The following FHOD3 variants were observed in gnomAD, a reference collection of about 807,000 sequenced individuals.
FHOD3 encodes FH1/FH2 domain-containing protein 3.
In FHOD3, 90 loss-of-function variants were observed where a neutral mutation model predicts 173.0. The ratio of observed to expected loss-of-function variants is 0.52; its 90% CI spans 0.44 to 0.62. The LOEUF (loss-of-function observed/expected upper bound fraction) is 0.62, where lower values mean the gene tolerates loss of function less well. Ranked by LOEUF, FHOD3 falls within the 20% of genes least tolerant of loss-of-function variation. The pLI is 0.00. For missense variants in FHOD3, 1,945 were observed against 2,034.7 expected, an observed-to-expected ratio of 0.96 and a Z score of 0.85; for synonymous variants, 828 against 823.0, an observed-to-expected ratio of 1.01 and a Z score of -0.10.
intron 18 of FHOD3, among the ~76,000 whole-genome samples, chr18:36,716,258 C>CT (rs2040444653): frequency 6.6e-6 from 1 of 152,206 alleles, no homozygotes; most frequent in African/African-American, 2.4e-5. Context: ...CCACGCTGGC[C>CT]TGGCCCATGG....
intron 1 of FHOD3, among the ~76,000 whole-genome samples, chr18:36,317,421 C>T (rs561511661): frequency 8.5e-5 from 13 of 152,178 alleles, no homozygotes; most frequent in South Asian, 8.3e-4. Context: ...CCATTCTAAC[C>T]GGCATGAGTT....
chr18:36,635,328 T>C (rs1047459792), intron 10 of FHOD3, among the ~76,000 whole-genome samples: 2 of 152,228 alleles, frequency 1.3e-5, no homozygotes, highest in African/African-American at 2.4e-5. Context: ...TTCTAGGTTC[T>C]GAAGAAATTG....
intron 8 of FHOD3, among the ~76,000 whole-genome samples, chr18:36,605,495 C>A (rs1237982146): frequency 6.6e-6 from 1 of 152,186 alleles, no homozygotes; most frequent in East Asian, 1.9e-4. Context: ...AAGGAGACAT[C>A]CAGAAAGATC....
intron 10 of FHOD3, among the ~76,000 whole-genome samples, chr18:36,645,308 T>C (rs2035603833): frequency 6.6e-6 from 1 of 152,202 alleles, no homozygotes; most frequent in Non-Finnish European, 1.5e-5. Context: ...TAGTCCCAGC[T>C]ATTCGGAAGG....
intron 3 of FHOD3, among the ~76,000 whole-genome samples, chr18:36,482,393 A>C (rs1329187601): frequency 6.6e-6 from 1 of 152,204 alleles, no homozygotes; most frequent in South Asian, 2.1e-4. Flanking sequence ...ACCCAGAAGG[A>C]TCTGGAGGAT....
chr18:36,454,550 T>A (rs2052055881), intron 3 of FHOD3, among the ~76,000 whole-genome samples: 1 of 152,230 alleles, frequency 6.6e-6, no homozygotes, highest in African/African-American at 2.4e-5. Flanking sequence ...AACAATTACC[T>A]TATTTTTCAT....
At chr18:36,300,152 G>T (rs1446943373) in intron 1 of FHOD3, among the ~76,000 whole-genome samples, 1 of 152,148 alleles carries the variant, frequency 6.6e-6, no homozygotes, top group African/African-American at 2.4e-5. Flanking sequence ...CCCTATTTTA[G>T]AGATGAGGAA....
chr18:36,397,651 A>G (rs2048616396), intron 3 of FHOD3, among the ~76,000 whole-genome samples: 1 of 152,180 alleles, frequency 6.6e-6, no homozygotes, highest in Admixed American at 6.5e-5. Context: ...GGTGATTTTT[A>G]AGATAATTTC....
At chr18:36,502,687 A>G (rs941254336) in intron 4 of FHOD3, among the ~76,000 whole-genome samples, 4 of 152,148 alleles carry the variant, frequency 2.6e-5, no homozygotes, top group African/African-American at 9.7e-5. Context: ...GCTATTGTGA[A>G]TAGTGCTGCA....
chr18:36,733,112 T>TA, intron 20 of FHOD3, among the ~76,000 whole-genome samples: 1 of 152,314 alleles, frequency 6.6e-6, no homozygotes. Flanking sequence ...ACCACATGAG[T>TA]AAACAAGCTG....
intron 16 of FHOD3, among the ~76,000 whole-genome samples, chr18:36,689,651 A>T (rs2038837305): frequency 6.6e-6 from 1 of 152,160 alleles, no homozygotes; most frequent in African/African-American, 2.4e-5. Context: ...GAGAAAAAAG[A>T]AGTGTGTGTA....
Position 36,439,599 on chromosome 18 carries a change from T to TATGGGAATTGGCTC in FHOD3, c.338-62330_338-62329insGGAATTGGCTCATG, listed in dbSNP as rs369392922. Among the ~76,000 whole-genome samples, 935 of 151,742 alleles carry TATGGGAATTGGCTC rather than the reference T, an allele frequency of 6.2e-3. 4 individuals are homozygous for TATGGGAATTGGCTC. The highest frequency in any genetic ancestry group is 0.021 in the African/African-American group (847 of 41,306). ...TGTAGTTACATAAGAGGAGACTTTT[T>TATGGGAATTGGCTC]ATGTGATTATGAAGCCCAAGAAGTC... On this transcript the variant is annotated intron_variant, in intron 3 of 28. Transcript: ENST00000590592.
chr18:36,772,608 G>A (rs1002999725), intron 28 of FHOD3, among the ~76,000 whole-genome samples: 8 of 152,240 alleles, frequency 5.3e-5, no homozygotes, highest in Admixed American at 4.6e-4. Context: ...CTGCTTTCAT[G>A]TTTGATGCTG....
At chr18:36,482,852 CACACACAG>C (rs2053987483) in intron 3 of FHOD3, among the ~76,000 whole-genome samples, 1 of 101,152 alleles carries the variant, frequency 9.9e-6, no homozygotes, top group African/African-American at 3.9e-5. Flanking sequence ...CACACTCACA[CACACACAG>C]AGAGAGAGAG....
intron 24 of FHOD3, among the ~76,000 whole-genome samples, chr18:36,749,338 C>CTCCACCT (rs1335268707): frequency 3.3e-5 from 5 of 152,172 alleles, no homozygotes; most frequent in African/African-American, 1.2e-4. Context: ...TCCTTCCACC[C>CTCCACCT]TCCACCTTCA....
intron 9 of FHOD3, among the ~76,000 whole-genome samples, chr18:36,616,001 C>A (rs1235084927): frequency 6.6e-6 from 1 of 152,210 alleles, no homozygotes; most frequent in Non-Finnish European, 1.5e-5. Flanking sequence ...ATCTTCTCTT[C>A]CAGCCCTGCC....
At chr18:36,517,201 T>G (rs937589182) in intron 5 of FHOD3, among the ~76,000 whole-genome samples, 4 of 152,224 alleles carry the variant, frequency 2.6e-5, no homozygotes, top group Non-Finnish European at 5.9e-5. Context: ...AAAGTTTTTT[T>G]GGGATAGCCA....
At chr18:36,352,938 C>A (rs1236959509) in intron 1 of FHOD3, among the ~76,000 whole-genome samples, 1 of 152,202 alleles carries the variant, frequency 6.6e-6, no homozygotes, top group African/African-American at 2.4e-5. Context: ...GGTCCAATTT[C>A]CATTGGAATT....
At chr18:36,545,064 G>A (rs1391033252) in intron 5 of FHOD3, among the ~76,000 whole-genome samples, 1 of 152,100 alleles carries the variant, frequency 6.6e-6, no homozygotes, top group Non-Finnish European at 1.5e-5. Flanking sequence ...GATTGGTAGT[G>A]TAAACTTCAG....
Sources: gnomAD v4.1 joint callset for allele counts (sites outside exome capture counted in the v4.1 genomes callset) on GRCh38, gnomAD v4.1.1 for gene constraint, MANE v1.5 for transcripts, NCBI Gene and HGNC (gene_info 2026-07-23, HGNC 2026-07-21) for gene names.